Variants in TNFRSF8 observed in about 807,000 individuals in gnomAD.
The protein encoded by TNFRSF8 is TNF receptor superfamily member 8.
In TNFRSF8, 26 loss-of-function variants were observed where a neutral mutation model predicts 70.8. The ratio of observed to expected loss-of-function variants is 0.37; its 90% CI spans 0.27 to 0.51. The LOEUF is 0.51. TNFRSF8 is among the 20% of genes least tolerant of loss of function. TNFRSF8 has a pLI of 0.94. For missense variants in TNFRSF8, 720 were observed against 807.9 expected, an observed-to-expected ratio of 0.89 and a Z score of 1.32; for synonymous variants, 356 against 339.2, an observed-to-expected ratio of 1.05 and a Z score of -0.54.
intron 12 of TNFRSF8, among the ~76,000 whole-genome samples, chr1:12,131,317 G>A (rs914499456): frequency 6.6e-6 from 1 of 152,026 alleles, no homozygotes; most frequent in Non-Finnish European, 1.5e-5. Context: ...AGGCATGGTG[G>A]CACACACCTG....
chr1:12,126,104 G>C lies in TNFRSF8; in HGVS notation c.1255+52G>C, dbSNP rs376973924. 10 of 1,612,112 alleles carry C rather than the reference G, an allele frequency of 6.2e-6. No homozygotes were observed. The Admixed American group carries it at 1.0e-4, about 16-fold the overall frequency. The stretch of plus-strand genomic sequence containing the variant: ...GGGGAGGACAGGTTGCTCTCTGCCA[G>C]CCTGGCCTGGGTTCTTTCCCTGCCT... On this transcript the variant is annotated intron_variant, in intron 11 of 14. Coordinates refer to ENST00000263932, the MANE Select transcript of TNFRSF8 (RefSeq NM_001243.5).
At position 12,078,437 on chromosome 1, in the gene TNFRSF8, G is replaced by T. The variant is rs114154771; in HGVS notation, c.64-6027G>T. Among the ~76,000 whole-genome samples, 37 of 152,244 alleles carry T rather than the reference G, an allele frequency of 2.4e-4. No homozygotes were observed. The East Asian group carries it at 6.4e-3, about 26-fold the overall frequency. On this transcript the variant is annotated intron_variant, in intron 1 of 14. Transcript: ENST00000263932. ...AAATTAGCCAGGTGTGGTGCCAAGC[G>T]CCTGCAGTCCCAGCTACTTGGGAGG... is the stretch of plus-strand genomic sequence containing the variant.
chr1:12,132,094 A>G (rs1570078245), intron 12 of TNFRSF8, among the ~76,000 whole-genome samples: 1 of 152,116 alleles, frequency 6.6e-6, no homozygotes, highest in Non-Finnish European at 1.5e-5. Flanking sequence ...GCCCAGTCTC[A>G]TTTTTAAAAA....
rs562223136 is a variant in TNFRSF8 at position 12,070,643 on chromosome 1, G to C, written c.63+6982G>C. Among the ~76,000 whole-genome samples, 20 of 152,260 alleles carry C rather than the reference G, an allele frequency of 1.3e-4. No individual in the cohort carries two copies. In the East Asian group the frequency reaches 2.3e-3, roughly 18 times the overall value. On this transcript the variant is annotated intron_variant, in intron 1 of 14. Coordinates refer to ENST00000263932, the MANE Select transcript of TNFRSF8 (RefSeq NM_001243.5). ...CCAGCTGGAATGTGCTTTCAAGCTA[G>C]AATCAACAGGACCTGTGGATGGGTC...
chr1:12,132,392 A>G (rs112789333), intron 12 of TNFRSF8, among the ~76,000 whole-genome samples: 94 of 152,334 alleles, frequency 6.2e-4, no homozygotes, highest in African/African-American at 1.9e-3. Context: ...TCTCAAGACC[A>G]GTTTCCCTGA....
At position 12,068,564 on chromosome 1, in the gene TNFRSF8, G is replaced by A. The variant is rs1640782922; in HGVS notation, c.63+4903G>A. ...GGACCTTCTTCCGGTATCTATGGTTGAAAACCACTGGGCATTCTCGTGGCC... is the reference window on the plus strand; with the variant it reads ...GGACCTTCTTCCGGTATCTATGGTTAAAAACCACTGGGCATTCTCGTGGCC... On this transcript the variant is annotated intron_variant, in intron 1 of 14. Transcript: ENST00000263932. Among the ~76,000 whole-genome samples, 4 of 152,198 alleles carry A rather than the reference G, an allele frequency of 2.6e-5. No individual in the cohort carries two copies. In the South Asian group the frequency reaches 8.3e-4, roughly 32 times the overall value.
intron 3 of TNFRSF8, among the ~76,000 whole-genome samples, chr1:12,099,870 A>G (rs1025695173): frequency 1.3e-5 from 2 of 152,074 alleles, no homozygotes; most frequent in African/African-American, 4.8e-5. Context: ...GAAAAGGTGC[A>G]ATAAAAATAC....
intron 10 of TNFRSF8, 104 bp downstream of exon 10, chr1:12,123,931 C>A: frequency 9.9e-7 from 1 of 1,014,958 alleles, no homozygotes; most frequent in South Asian, 1.5e-5. Context: ...TGGGTATGGT[C>A]TGAGAAGGGG....
chr1:12,080,005 A>G (rs1641035709), intron 1 of TNFRSF8, among the ~76,000 whole-genome samples: 1 of 147,658 alleles, frequency 6.8e-6, no homozygotes, highest in Non-Finnish European at 1.5e-5. Flanking sequence ...CTGGAGTGCA[A>G]TGGCGTGATC....
intron 8 of TNFRSF8, among the ~76,000 whole-genome samples, chr1:12,120,492 G>A (rs1238412186): frequency 6.6e-6 from 1 of 152,172 alleles, no homozygotes; most frequent in Non-Finnish European, 1.5e-5. Flanking sequence ...AGAAAAAGAT[G>A]ACAAGAAATA....
chr1:12,138,416 A>G lies in TNFRSF8; in HGVS notation c.1523A>G (p.Glu508Gly), dbSNP rs1201808390. 6.2e-7 allele frequency: 1 copy of G among 1,613,128 alleles called. No homozygotes were observed. Among genetic ancestry groups the G allele is most frequent in the South Asian group, 1.1e-5 (1 of 91,028 alleles). Residue 508 changes from glutamate (E) to glycine (G), a missense_variant, in exon 14 of 15, where the codon GAG becomes GGG. Physicochemically the swap from Glu to Gly is moderately conservative, Grantham distance 98 (BLOSUM62 -2). Transcript: ENST00000263932. The surrounding 1 kb of genome is among the most constrained non-coding windows in gnomAD (Gnocchi z 5.7). ...CTTCCTGAGCCCCGGGTGTCCACGG[A>G]GCACACCAATAACAAGATTGGTGAG... is the stretch of plus-strand genomic sequence containing the variant. ...RDLPEPRVST[E>G]HTNNKIEKIY...
At position 12,082,886 on chromosome 1, in the gene TNFRSF8, A is replaced by G. The variant is rs186391930; in HGVS notation, c.64-1578A>G. On this transcript the variant is annotated intron_variant, in intron 1 of 14. Coordinates refer to ENST00000263932, the MANE Select transcript of TNFRSF8 (RefSeq NM_001243.5). Reference sequence around the variant, plus strand: ...GAAAAGGCAAGCCAGAGGATGCGAGAAGATACTTGCAGTACATATAATCAA... The same window carrying G: ...GAAAAGGCAAGCCAGAGGATGCGAGGAGATACTTGCAGTACATATAATCAA... Among the ~76,000 whole-genome samples the G allele has an allele frequency of 2.4e-3, 359 of 152,344 alleles. 3 individuals carry two copies. Among genetic ancestry groups the G allele is most frequent in the African/African-American group, 7.9e-3 (330 of 41,590 alleles).
intron 12 of TNFRSF8, among the ~76,000 whole-genome samples, chr1:12,128,602 G>A (rs772653685): frequency 1.1e-4 from 16 of 152,188 alleles, no homozygotes; most frequent in South Asian, 2.1e-4. Flanking sequence ...GCCGTAGGAC[G>A]GGGATTTTAT....
rs869310122 is a variant in TNFRSF8 at position 12,112,566 on chromosome 1, A to AT, written c.793+560dup. ...TACCATGCCTGGCTAATTAAAAAAA[A>AT]TTTTTTTTCATACAGATGGGGGTCT... On this transcript the variant is annotated intron_variant, in intron 7 of 14. Coordinates refer to ENST00000263932, the MANE Select transcript of TNFRSF8 (RefSeq NM_001243.5). The surrounding 1 kb of genome is among the most constrained non-coding windows in gnomAD (Gnocchi z 5.3). Among the ~76,000 whole-genome samples the AT allele has an allele frequency of 4.0e-5, 6 of 151,690 alleles. No individual in the cohort carries two copies. The East Asian group carries it at 1.2e-3, about 29-fold the overall frequency.
intron 3 of TNFRSF8, among the ~76,000 whole-genome samples, chr1:12,099,726 G>A (rs984510307): frequency 6.6e-6 from 1 of 151,072 alleles, no homozygotes; most frequent in Non-Finnish European, 1.5e-5. Flanking sequence ...ACACCTACAT[G>A]ATGTAGCCTA....
rs1176772342 is a variant in TNFRSF8, at chr1:12,119,211, G to A, written c.946+3482G>A. The stretch of plus-strand genomic sequence containing the variant: ...TGCCTGGCCTGGTGACCACCTTGAT[G>A]TGGCTCTCCCAATGCAGACATTGGC... On this transcript the variant is annotated intron_variant, in intron 8 of 14. Transcript: ENST00000263932. The surrounding 1 kb of genome is among the most constrained non-coding windows in gnomAD (Gnocchi z 4.4). 2.6e-5 allele frequency among the ~76,000 whole-genome samples: 4 copies of A among 152,144 alleles called. No homozygotes were observed. The highest frequency in any genetic ancestry group is 5.9e-5 in the Non-Finnish European group (4 of 68,030).
At chr1:12,083,179 G>A (rs1379750174) in intron 1 of TNFRSF8, among the ~76,000 whole-genome samples, 5 of 152,228 alleles carry the variant, frequency 3.3e-5, no homozygotes, top group Non-Finnish European at 5.9e-5. Context: ...CAAGGATGTG[G>A]AGCAATTGGA....
intron 1 of TNFRSF8, among the ~76,000 whole-genome samples, chr1:12,080,107 C>A (rs1368372715): frequency 1.3e-5 from 2 of 152,000 alleles, no homozygotes; most frequent in Admixed American, 6.6e-5. Context: ...CACCACCATG[C>A]CCGGCTTATT....
intron 1 of TNFRSF8, among the ~76,000 whole-genome samples, chr1:12,072,962 C>T (rs1640873801): frequency 6.6e-6 from 1 of 152,230 alleles, no homozygotes. Context: ...TGCCCCTTCC[C>T]CACACATAGT....
Sources: allele counts gnomAD v4.1 joint callset (sites outside exome capture counted in the v4.1 genomes callset), GRCh38; gene constraint gnomAD v4.1.1; non-coding constraint Gnocchi (gnomAD v3.1); transcripts MANE v1.5; gene names NCBI Gene and HGNC (gene_info 2026-07-23, HGNC 2026-07-21).